Variants in POLR1E observed in about 807,000 individuals in gnomAD.
POLR1E encodes DNA-directed RNA polymerase I subunit RPA49.
In POLR1E, 37 loss-of-function variants were observed where a neutral mutation model predicts 50.9. That is an observed-to-expected ratio of 0.73 (90% CI 0.56 to 0.96). The LOEUF is 0.96. POLR1E is among the 40% of genes least tolerant of loss of function. POLR1E has a pLI of 0.00. For missense variants in POLR1E, 426 were observed against 518.1 expected (o/e 0.82, Z 1.73); for synonymous variants, 166 against 191.6 (o/e 0.87, Z 1.10).
chr9:37,503,181 A>G lies in POLR1E; in HGVS notation c.1239A>G (p.Ala413=). 1 of 1,610,526 alleles carries G rather than the reference A, an allele frequency of 6.2e-7. No homozygotes were observed. Among genetic ancestry groups the G allele is most frequent in the Non-Finnish European group, 8.5e-7 (1 of 1,178,904 alleles). The change falls in exon 12 of 12, where the codon GCA becomes GCG. Residue 413 remains alanine, a synonymous_variant. Coordinates refer to ENST00000377798, the MANE Select transcript of POLR1E (RefSeq NM_022490.4). ...LPPAQTSDRL[A]KRRKIT is the part of the protein sequence containing the mutation. ...CAGCCCAGACCTCAGACCGCCTGGCAAAGCGGAGGAAGATTACCTAGACGC... is the reference window on the plus strand; with the variant it reads ...CAGCCCAGACCTCAGACCGCCTGGCGAAGCGGAGGAAGATTACCTAGACGC...
Position 37,501,694 on chromosome 9 carries a change from A to G in POLR1E, c.969-19A>G. On this transcript the variant is annotated intron_variant, in intron 10 of 11. Transcript: ENST00000377798. ...GAGAGTTTAATTTTGTTTCTCCTTT[A>G]TTGCCACTGATTTTCTAGATTACGG... 1 of 1,601,302 alleles carries G rather than the reference A, an allele frequency of 6.2e-7. No homozygotes were observed. The highest frequency in any genetic ancestry group is 1.1e-5 in the South Asian group (1 of 88,056).
intron 6 of POLR1E, 140 bp downstream of exon 6, chr9:37,493,843 G>C (rs146632597): frequency 4.6e-6 from 4 of 870,026 alleles, no homozygotes; most frequent in Non-Finnish European, 4.9e-6. Context: ...GCCTTCTCAC[G>C]GACAGGTTCT....
chr9:37,489,331 T>C lies in POLR1E; in HGVS notation c.274T>C (p.Leu92=), dbSNP rs750539741. The change falls in exon 4 of 12, where the codon TTG becomes CTG. Residue 92 remains leucine (L), a synonymous_variant. Coordinates refer to ENST00000377798, the MANE Select transcript of POLR1E (RefSeq NM_022490.4). ...TTTATTCAGGCACTTTGTGGGAATT[T>C]TGAACAAGACCTCTGGCCAAATGGA... ...NTLCRHFVGI[L]NKTSGQMEVY... The C allele has an allele frequency of 1.3e-6, 2 of 1,599,902 alleles. No individual in the cohort carries two copies. The highest frequency in any genetic ancestry group is 1.7e-6 in the Non-Finnish European group (2 of 1,176,392).
intron 4 of POLR1E, chr9:37,490,445 A>C (rs1588799749): frequency 1.3e-5 from 11 of 838,818 alleles, no homozygotes; most frequent in Middle Eastern, 3.1e-4. Flanking sequence ...CATAGGGAAT[A>C]GGTTCCAGCA....
At chr9:37,490,799 C>T (rs771905406) in intron 4 of POLR1E, 24 of 612,154 alleles carry the variant, frequency 3.9e-5, no homozygotes, top group Admixed American at 1.3e-4. Flanking sequence ...CTTATAGATT[C>T]ACATATATGT....
intron 4 of POLR1E, chr9:37,490,602 C>T (rs1226711774): frequency 2.8e-6 from 2 of 722,880 alleles, no homozygotes; most frequent in Admixed American, 3.9e-5. Flanking sequence ...GCTTTCTCGG[C>T]TCTTAGAGTG....
At chr9:37,498,319 T>C in intron 9 of POLR1E, 95 bp downstream of exon 9, 1 of 1,347,666 alleles carries the variant, frequency 7.4e-7, no homozygotes, top group Non-Finnish European at 1.0e-6. Context: ...AAAATGGATA[T>C]GTCTGTCCAA....
intron 4 of POLR1E, among the ~76,000 whole-genome samples, chr9:37,491,141 G>T (rs1338303239): frequency 6.6e-6 from 1 of 152,152 alleles, no homozygotes; most frequent in African/African-American, 2.4e-5. Context: ...AATGCTCAGG[G>T]CTAGAGTGAG....
At chr9:37,488,012 CCT>C in intron 3 of POLR1E, 73 bp downstream of exon 3, 1 of 1,476,742 alleles carries the variant, frequency 6.8e-7, no homozygotes, top group Non-Finnish European at 9.4e-7. Flanking sequence ...ACTGCTGTTT[CCT>C]GTCTGTTTTA....
At chr9:37,488,032 C>A in intron 3 of POLR1E, 93 bp downstream of exon 3, 1 of 1,289,554 alleles carries the variant, frequency 7.8e-7, no homozygotes, top group Non-Finnish European at 1.1e-6. Flanking sequence ...TTAAGGGTAG[C>A]AGGAGCCATC....
intron 4 of POLR1E, among the ~76,000 whole-genome samples, chr9:37,491,760 A>G (rs10814559): frequency 0.22 from 32,755 of 152,056 alleles, 3,700 homozygotes; most frequent in East Asian, 0.26. Flanking sequence ...CACCGTGCCT[A>G]GCCAAATTTT....
At chr9:37,502,175 A>G (rs1221825998) in intron 11 of POLR1E, among the ~76,000 whole-genome samples, 2 of 152,224 alleles carry the variant, frequency 1.3e-5, no homozygotes, top group Admixed American at 6.5e-5. Context: ...GAGCCTTTCC[A>G]TAACATTCTG....
intron 8 of POLR1E, among the ~76,000 whole-genome samples, chr9:37,497,320 A>G (rs531698719): frequency 1.4e-4 from 21 of 152,288 alleles, no homozygotes; most frequent in Non-Finnish European, 2.9e-4. Context: ...GCGCCATTGC[A>G]CTCCAGCCTG....
rs2119023013 is a variant in POLR1E, at chr9:37,501,924, C to G, written c.1100+80C>G. The G allele has an allele frequency of 2.8e-6, 4 of 1,442,740 alleles. No individual in the cohort carries two copies. The East Asian group carries it at 9.3e-5, about 34-fold the overall frequency. The allele number at this position is 1,442,740 out of a possible 1,614,324, so 89.4% of individuals were successfully genotyped here. On this transcript the variant is annotated intron_variant, in intron 11 of 11. Coordinates refer to ENST00000377798, the MANE Select transcript of POLR1E (RefSeq NM_022490.4). ...GGTACCACTGGAAAGCATGAGGCACCACCAAGGGAACTGAGGATGTTTAAA... is the reference window on the plus strand; with the variant it reads ...GGTACCACTGGAAAGCATGAGGCACGACCAAGGGAACTGAGGATGTTTAAA...
intron 6 of POLR1E, among the ~76,000 whole-genome samples, chr9:37,494,849 C>T (rs16934189): frequency 0.22 from 32,788 of 152,114 alleles, 3,705 homozygotes; most frequent in East Asian, 0.26. Context: ...CTATTTTGGA[C>T]GTCCCTCACT....
intron 8 of POLR1E, among the ~76,000 whole-genome samples, chr9:37,497,553 T>C (rs1339872564): frequency 6.6e-6 from 1 of 152,236 alleles, no homozygotes. Flanking sequence ...TAAAGTTTTA[T>C]TGGAGCACAG....
At chr9:37,486,297 A>G in intron 1 of POLR1E, 174 bp downstream of exon 1, 4 of 1,281,618 alleles carry the variant, frequency 3.1e-6, no homozygotes, top group Admixed American at 2.8e-5. Flanking sequence ...TTCTGTCACT[A>G]CCTCCCAGCC....
chr9:37,499,704 T>C (rs142459002), intron 9 of POLR1E, among the ~76,000 whole-genome samples: 3,483 of 151,660 alleles, frequency 0.023, 120 homozygotes, highest in African/African-American at 0.08. Context: ...AATTTTTGTG[T>C]TTTTAGTAGA....
intron 7 of POLR1E, 42 bp from the exon 8 acceptor site, chr9:37,495,848 T>C: frequency 7.1e-7 from 1 of 1,402,184 alleles, no homozygotes; most frequent in Non-Finnish European, 1.0e-6. Context: ...GCTAGTTGGA[T>C]GTTTCTATTT....
Sources: allele counts gnomAD v4.1 joint callset (sites outside exome capture counted in the v4.1 genomes callset), GRCh38; gene constraint gnomAD v4.1.1; transcripts MANE v1.5; gene names NCBI Gene and HGNC (gene_info 2026-07-23, HGNC 2026-07-21).